Variants in CERS6 observed in about 807,000 individuals in gnomAD.
CERS6 encodes LAG1 homolog, ceramide synthase 6.
In CERS6, 26 loss-of-function variants were observed where a neutral mutation model predicts 56.8. That is an observed-to-expected ratio of 0.46 (90% confidence interval 0.34 to 0.63). The LOEUF is 0.63. Ranked by LOEUF, CERS6 falls within the 30% of genes least tolerant of loss-of-function variation. The pLI, the probability that CERS6 is intolerant of heterozygous loss-of-function variation, is 0.01. For missense variants in CERS6, 415 were observed against 467.5 expected (o/e 0.89, Z 1.04); for synonymous variants, 164 against 173.3 (o/e 0.95, Z 0.42).
chr2:168,570,589 C>T (rs1383611171), intron 3 of CERS6, among the ~76,000 whole-genome samples: 1 of 152,074 alleles, frequency 6.6e-6, no homozygotes, highest in African/African-American at 2.4e-5. Context: ...CTTAGGAGGT[C>T]AGCGTGACTT....
At chr2:168,495,790 A>AG (rs1156731444) in intron 1 of CERS6, among the ~76,000 whole-genome samples, 3 of 151,932 alleles carry the variant, frequency 2.0e-5, no homozygotes, top group Non-Finnish European at 4.4e-5. Context: ...TTCTCCTTTC[A>AG]GGGGGGGCAT....
At chr2:168,459,221 A>G (rs541450665) in intron 1 of CERS6, among the ~76,000 whole-genome samples, 8 of 152,380 alleles carry the variant, frequency 5.3e-5, no homozygotes, top group East Asian at 1.9e-4. Context: ...TTTATTTTAC[A>G]TTAAGTGAAG....
In CERS6 at chr2:168,670,975, C is replaced by CA. The variant is rs1553506475; in HGVS notation, c.466-20059_466-20058insA. Among the ~76,000 whole-genome samples the CA allele has an allele frequency of 2.4e-3, 165 of 70,064 alleles. 9 individuals are homozygous for CA. The highest frequency in any genetic ancestry group is 5.3e-3 in the African/African-American group (145 of 27,556). 46.0% of individuals were successfully genotyped at this position (70,064 alleles called of 152,430 possible). On this transcript the variant is annotated intron_variant, in intron 4 of 9. Transcript: ENST00000305747. ...GTGCTGGATACATGCTTCCCCCCCC[C>CA]CCCCCAGACGGAAGCTTGCTCTGTT...
intron 3 of CERS6, among the ~76,000 whole-genome samples, chr2:168,627,430 A>T (rs79388133): frequency 0.017 from 2,620 of 152,266 alleles, 102 homozygotes; most frequent in East Asian, 0.16. Context: ...AATATATGAG[A>T]ATACTTTTCA....
chr2:168,736,844 G>T (rs770975960), intron 8 of CERS6, among the ~76,000 whole-genome samples: 1 of 152,232 alleles, frequency 6.6e-6, no homozygotes, highest in African/African-American at 2.4e-5. Context: ...CTTGCTGGCA[G>T]CATGTCACTC....
At chr2:168,704,849 C>T (rs562932940) in intron 6 of CERS6, among the ~76,000 whole-genome samples, 10 of 152,330 alleles carry the variant, frequency 6.6e-5, no homozygotes, top group Non-Finnish European at 1.0e-4. Flanking sequence ...CTGCCTGCCT[C>T]GGCCTCCCAA....
intron 1 of CERS6, among the ~76,000 whole-genome samples, chr2:168,490,519 A>G (rs1694351021): frequency 6.6e-6 from 1 of 151,830 alleles, no homozygotes; most frequent in African/African-American, 2.4e-5. Flanking sequence ...CTCCTCCAGA[A>G]TTCACCTTGT....
At chr2:168,501,573 C>T (rs1694581223) in intron 1 of CERS6, among the ~76,000 whole-genome samples, 1 of 152,076 alleles carries the variant, frequency 6.6e-6, no homozygotes, top group Admixed American at 6.5e-5. Context: ...GTAACAATTT[C>T]AAAAGGAGAG....
At chr2:168,465,150 A>G (rs966665344) in intron 1 of CERS6, among the ~76,000 whole-genome samples, 3 of 152,236 alleles carry the variant, frequency 2.0e-5, no homozygotes, top group African/African-American at 7.2e-5. Flanking sequence ...GTGAACAGCT[A>G]AACAAAATGT....
intron 1 of CERS6, among the ~76,000 whole-genome samples, chr2:168,508,322 G>A (rs1361074858): frequency 1.3e-5 from 2 of 152,154 alleles, no homozygotes; most frequent in East Asian, 3.9e-4. Flanking sequence ...GTTGGGTTGG[G>A]CTAAGTTAAA....
intron 1 of CERS6, among the ~76,000 whole-genome samples, chr2:168,508,935 G>A (rs559769513): frequency 2.0e-5 from 3 of 152,244 alleles, no homozygotes; most frequent in East Asian, 3.9e-4. Context: ...AGATTTGGGG[G>A]CCAATTTGTC....
At chr2:168,525,080 G>T (rs973250576) in intron 1 of CERS6, among the ~76,000 whole-genome samples, 2 of 152,298 alleles carry the variant, frequency 1.3e-5, no homozygotes, top group African/African-American at 2.4e-5. Flanking sequence ...TTTAGGTTCA[G>T]TTCTAAGGAA....
chr2:168,638,264 C>G (rs1684907457), intron 4 of CERS6, among the ~76,000 whole-genome samples: 1 of 152,074 alleles, frequency 6.6e-6, no homozygotes, highest in South Asian at 2.1e-4. Flanking sequence ...TGGTATCATT[C>G]CACAGAACAA....
At chr2:168,466,678 C>T (rs919706305) in intron 1 of CERS6, among the ~76,000 whole-genome samples, 2 of 152,134 alleles carry the variant, frequency 1.3e-5, no homozygotes, top group African/African-American at 4.8e-5. Context: ...TTTCTTCTTT[C>T]TTCTTTTAAA....
chr2:168,487,984 TAC>T (rs1694305165), intron 1 of CERS6, among the ~76,000 whole-genome samples: 1 of 152,206 alleles, frequency 6.6e-6, no homozygotes, highest in South Asian at 2.1e-4. Flanking sequence ...CCTCCCAAAG[TAC>T]TGGGATTACA....
intron 1 of CERS6, among the ~76,000 whole-genome samples, chr2:168,484,165 C>CTTTTTTTTTTTTT (rs1694229616): frequency 2.2e-5 from 1 of 46,390 alleles, no homozygotes; most frequent in Non-Finnish European, 4.6e-5. Context: ...TTTCTTTTTT[C>CTTTTTTTTTTTTT]TGTTTTTTTT....
intron 4 of CERS6, among the ~76,000 whole-genome samples, chr2:168,677,622 C>T (rs1304212671): frequency 2.0e-5 from 3 of 152,112 alleles, no homozygotes; most frequent in East Asian, 1.9e-4. Flanking sequence ...CTCAGCCTCC[C>T]GAGTAGCTGA....
At chr2:168,758,193 A>G (rs1459488790) in intron 8 of CERS6, among the ~76,000 whole-genome samples, 1 of 152,210 alleles carries the variant, frequency 6.6e-6, no homozygotes, top group Non-Finnish European at 1.5e-5. Context: ...ATGAACATCC[A>G]TGCCAGAGAA....
chr2:168,588,981 C>T (rs1004269749), intron 3 of CERS6, among the ~76,000 whole-genome samples: 4 of 152,228 alleles, frequency 2.6e-5, no homozygotes, highest in African/African-American at 9.6e-5. Flanking sequence ...CTCAGGCAGT[C>T]TGCCTGCCTT....
Sources: allele counts gnomAD v4.1 joint callset (sites outside exome capture counted in the v4.1 genomes callset), GRCh38; gene constraint gnomAD v4.1.1; transcripts MANE v1.5; gene names NCBI Gene and HGNC (gene_info 2026-07-23, HGNC 2026-07-21).